Variants in GATM observed in about 807,000 individuals in gnomAD.
GATM encodes glycine amidinotransferase, mitochondrial.
A neutral mutation model predicts 54.2 loss-of-function variants in GATM; 23 were observed. The ratio of observed to expected loss-of-function variants is 0.42; its 90% confidence interval spans 0.31 to 0.60. GATM has a LOEUF of 0.60. Among genes scored for constraint, GATM ranks in the 20% least tolerant of loss-of-function variants. The pLI is 0.14. For missense variants in GATM, 401 were observed against 544.9 expected, an observed-to-expected ratio of 0.74 and a Z score of 2.63; for synonymous variants, 168 against 183.1, an observed-to-expected ratio of 0.92 and a Z score of 0.67.
chr15:45,383,391 C>G (rs1345705281), upstream of GATM, among the ~76,000 whole-genome samples: 2 of 152,232 alleles, frequency 1.3e-5, no homozygotes, highest in African/African-American at 4.8e-5. Flanking sequence ...TTAAAATAAT[C>G]TCAGCTTAGG....
Position 45,368,002 on chromosome 15 carries a change from C to T in GATM, c.675+68G>A, listed in dbSNP as rs1566840397. 1 of 1,378,128 alleles carries T rather than the reference C, an allele frequency of 7.3e-7. No homozygotes were observed. The highest frequency in any genetic ancestry group is 1.0e-6 in the Non-Finnish European group (1 of 972,056). The allele number at this position is 1,378,128 out of a possible 1,614,324, so 85.4% of individuals were successfully genotyped here. ...TAATATATACAAGGTATCAGAGAAT[C>T]TCTATCTTACTCTTTGTGGATCATT... On this transcript the variant is annotated intron_variant, in intron 4 of 8. Transcript: ENST00000396659. The surrounding 1 kb of genome is among the most constrained non-coding windows in gnomAD (Gnocchi z 5.1).
At position 45,378,497 on chromosome 15, in the gene GATM, T is replaced by C. The variant is rs534052046; in HGVS notation, c.-44A>G. 1.3e-4 allele frequency: 167 copies of C among 1,320,508 alleles called. No homozygotes were observed. Among genetic ancestry groups the C allele is most frequent in the Non-Finnish European group, 1.5e-4 (160 of 1,035,004 alleles). The allele number at this position is 1,320,508 out of a possible 1,614,324, so 81.8% of individuals were successfully genotyped here. On this transcript the variant is annotated 5_prime_UTR_variant, in exon 1 of 9. Coordinates refer to ENST00000396659, the MANE Select transcript of GATM (RefSeq NM_001482.3). ...CCACGCGCGGAATGTTCCTGGCCTC[T>C]GGGCCGCGTCGGTCCAAGCCTTCCC... is the stretch of plus-strand genomic sequence containing the variant.
chr15:45,366,689 A>G (rs1488125441), intron 4 of GATM, among the ~76,000 whole-genome samples, 181 bp from the exon 5 acceptor site: 3 of 152,164 alleles, frequency 2.0e-5, no homozygotes, highest in African/African-American at 7.2e-5. Flanking sequence ...ACAACAATAA[A>G]ACAAGAAACT....
At position 45,364,837 on chromosome 15, in the gene GATM, T is replaced by A. The variant is rs1889423118; in HGVS notation, c.1002A>T (p.Gly334=). The part of the protein sequence containing the change: ...CHQIDLFKKA[G]WTIITPPTPI... ...GTGTTGGAGGAGTAATGATAGTCCA[T>A]CCTGCTTTCTTGAAAAGATCAATCT... Residue 334 remains glycine, a synonymous_variant, in exon 7 of 9, where the codon GGA becomes GGT. Transcript: ENST00000396659. The A allele has an allele frequency of 1.2e-6, 2 of 1,613,896 alleles. No individual in the cohort carries two copies. The highest frequency in any genetic ancestry group is 2.2e-5 in the East Asian group (1 of 44,870).
chr15:45,379,167 G>C (rs1810986384), upstream of GATM: 1 of 152,192 alleles, frequency 6.6e-6, no homozygotes, highest in Admixed American at 6.5e-5. Flanking sequence ...AAATCGACAA[G>C]TGTGGGTCAG....
chr15:45,371,744 C>G (rs982656225), intron 2 of GATM, among the ~76,000 whole-genome samples: 1 of 152,196 alleles, frequency 6.6e-6, no homozygotes, highest in Non-Finnish European at 1.5e-5. Flanking sequence ...CCATGTTATA[C>G]TGGTTTGAAC....
intron 2 of GATM, among the ~76,000 whole-genome samples, chr15:45,370,506 T>C (rs979196535): frequency 6.6e-6 from 1 of 152,212 alleles, no homozygotes; most frequent in Non-Finnish European, 1.5e-5. Flanking sequence ...CCTGTCAATA[T>C]GCCTCATACC....
At position 45,368,063 on chromosome 15, in the gene GATM, G is replaced by A; in HGVS notation, c.675+7C>T. ...AGTAATAAGCTAGCCTATAATTAGGGACTCACCTGGTTATAAAGCTCATCA... is the reference window on the plus strand; with the variant it reads ...AGTAATAAGCTAGCCTATAATTAGGAACTCACCTGGTTATAAAGCTCATCA... On this transcript the variant is annotated splice_region_variant and intron_variant, in intron 4 of 8. Transcript: ENST00000396659. The surrounding 1 kb of genome is among the most constrained non-coding windows in gnomAD (Gnocchi z 5.1). The A allele has an allele frequency of 2.5e-6, 4 of 1,613,054 alleles. No homozygotes were observed. The highest frequency in any genetic ancestry group is 3.4e-6 in the Non-Finnish European group (4 of 1,179,232).
At chr15:45,378,938 C>T (rs1043482815), upstream of GATM, 2 of 152,424 alleles carry the variant, frequency 1.3e-5, no homozygotes, top group African/African-American at 4.8e-5. Flanking sequence ...CTGAACCAGT[C>T]ACCTCATTTT....
chr15:45,396,056 A>C (rs1889925149), intron 3 of GATM: 2 of 152,202 alleles, frequency 1.3e-5, no homozygotes, highest in African/African-American at 4.8e-5. Flanking sequence ...CACAACTAAA[A>C]CATAATACGA....
intron 1 of GATM, chr15:45,377,805 G>C: frequency 6.4e-6 from 1 of 156,068 alleles, no homozygotes; most frequent in Non-Finnish European, 1.4e-5. Context: ...TCTGCTTACA[G>C]GCTGCACTCG....
intron 3 of GATM, among the ~76,000 whole-genome samples, chr15:45,384,391 TAG>T (rs1285821459): frequency 6.6e-6 from 1 of 152,142 alleles, no homozygotes; most frequent in Non-Finnish European, 1.5e-5. Context: ...GCTAAAGAGA[TAG>T]AAAGTCCAGA....
chr15:45,401,233 A>G (rs1889999740), intron 1 of GATM, among the ~76,000 whole-genome samples: 1 of 152,190 alleles, frequency 6.6e-6, no homozygotes, highest in Admixed American at 6.5e-5. Flanking sequence ...GAGATCAGGA[A>G]CTGGCATGGG....
intron 6 of GATM, 55 bp from the exon 7 acceptor site, chr15:45,364,915 T>G (rs1889425352): frequency 7.2e-7 from 1 of 1,393,562 alleles, no homozygotes; most frequent in African/African-American, 1.4e-5. Context: ...ACTATTATTA[T>G]TATTAGTCTC....
Position 45,378,080 on chromosome 15 carries a change from G to T in GATM, c.69+305C>A, listed in dbSNP as rs571606174. 1.7e-5 allele frequency: 6 copies of T among 344,954 alleles called. No homozygotes were observed. In the South Asian group the frequency reaches 2.7e-4, roughly 15 times the overall value. The allele number at this position is 344,954 out of a possible 1,614,324, so 21.4% of individuals were successfully genotyped here. A position where few individuals can be genotyped will look rare whatever the true frequency, so the allele number is the denominator to read the frequency against. On this transcript the variant is annotated intron_variant, in intron 1 of 8. Transcript: ENST00000396659. ...TGCAGCGCACCAAGGTCCGGTAGAG[G>T]GGGGCGGCGCCCCCTGCGCCGTGGG...
intron 2 of GATM, 34 bp downstream of exon 2, chr15:45,376,567 C>T (rs374186693): frequency 1.3e-5 from 21 of 1,573,134 alleles, no homozygotes; most frequent in African/African-American, 1.2e-4. Flanking sequence ...GAGGAGGGAG[C>T]GCACTTTCAG....
At chr15:45,392,392 T>C (rs530088613) in intron 3 of GATM, among the ~76,000 whole-genome samples, 1 of 152,368 alleles carries the variant, frequency 6.6e-6, no homozygotes, top group Admixed American at 6.5e-5. Flanking sequence ...CATGTGTGTG[T>C]GTAATGTTTC....
chr15:45,392,894 TA>T (rs1387309708), intron 3 of GATM, among the ~76,000 whole-genome samples: 1 of 152,194 alleles, frequency 6.6e-6, no homozygotes, highest in African/African-American at 2.4e-5. Flanking sequence ...AAAATACAAT[TA>T]GGGGATCAGT....
At chr15:45,394,407 C>T (rs898074926) in intron 3 of GATM, among the ~76,000 whole-genome samples, 1 of 152,134 alleles carries the variant, frequency 6.6e-6, no homozygotes, top group Non-Finnish European at 1.5e-5. Context: ...AGGTTGGGGA[C>T]TGCTGAAGTA....
Sources: allele counts gnomAD v4.1 joint callset (sites outside exome capture counted in the v4.1 genomes callset), GRCh38; gene constraint gnomAD v4.1.1; non-coding constraint Gnocchi (gnomAD v3.1); transcripts MANE v1.5; gene names NCBI Gene and HGNC (gene_info 2026-07-23, HGNC 2026-07-21).